The following TMCC1 variants were observed in gnomAD, a reference collection of about 807,000 sequenced individuals.
TMCC1 encodes transmembrane and coiled-coil domains protein 1.
TMCC1 carries 15 observed loss-of-function variants against 52.4 expected under a neutral mutation model. The observed-to-expected ratio is 0.29, with a 90% CI of 0.19 to 0.44. The LOEUF is 0.44. Among genes scored for constraint, TMCC1 ranks in the 20% least tolerant of loss-of-function variants. TMCC1 has a pLI of 1.00. For synonymous variants in TMCC1, 279 were observed against 301.9 expected (o/e 0.92, Z 0.79); for missense variants, 503 against 806.0 (o/e 0.62, Z 4.55).
intron 5 of TMCC1, among the ~76,000 whole-genome samples, chr3:129,659,696 A>AT (rs1227420547): frequency 2.0e-5 from 3 of 152,166 alleles, no homozygotes; most frequent in African/African-American, 7.2e-5. Flanking sequence ...TCTGGAAGTC[A>AT]TTTTCAAACT....
intron 5 of TMCC1, among the ~76,000 whole-genome samples, chr3:129,662,464 A>G (rs1156644130): frequency 6.6e-6 from 1 of 152,120 alleles, no homozygotes; most frequent in African/African-American, 2.4e-5. Flanking sequence ...ATATCTAAAC[A>G]TAGAAAAGGC....
intron 2 of TMCC1, among the ~76,000 whole-genome samples, chr3:129,839,621 T>A (rs1313853526): frequency 2.6e-5 from 4 of 152,092 alleles, no homozygotes; most frequent in African/African-American, 9.7e-5. Flanking sequence ...CTAGGCATGG[T>A]GGCACACACC....
intron 4 of TMCC1, among the ~76,000 whole-genome samples, chr3:129,707,761 G>A (rs1450341330): frequency 2.0e-5 from 3 of 151,878 alleles, no homozygotes; most frequent in African/African-American, 4.8e-5. Flanking sequence ...GTGAAACCCC[G>A]TCTCTACTAA....
chr3:129,709,587 T>A (rs2048508542), intron 4 of TMCC1, among the ~76,000 whole-genome samples: 2 of 152,076 alleles, frequency 1.3e-5, no homozygotes, highest in African/African-American at 4.8e-5. Flanking sequence ...AAGTTTTTTG[T>A]TGCTACACAA....
At chr3:129,744,581 C>G (rs1212048915) in intron 4 of TMCC1, among the ~76,000 whole-genome samples, 1 of 152,164 alleles carries the variant, frequency 6.6e-6, no homozygotes, top group African/African-American at 2.4e-5. Flanking sequence ...CACCTGTGCC[C>G]AGCATAACGT....
At chr3:129,752,652 C>A (rs1463565142) in intron 4 of TMCC1, among the ~76,000 whole-genome samples, 2 of 150,164 alleles carry the variant, frequency 1.3e-5, no homozygotes, top group Non-Finnish European at 3.0e-5. Flanking sequence ...GGTGACAGAG[C>A]AAGACTGTCA....
intron 4 of TMCC1, among the ~76,000 whole-genome samples, chr3:129,677,219 T>A (rs1276818270): frequency 6.6e-6 from 1 of 152,174 alleles, no homozygotes; most frequent in Non-Finnish European, 1.5e-5. Context: ...GAGCTGAGAT[T>A]GTGTCACTGC....
intron 4 of TMCC1, among the ~76,000 whole-genome samples, chr3:129,783,597 T>C (rs1054172253): frequency 1.3e-5 from 2 of 152,198 alleles, no homozygotes; most frequent in African/African-American, 4.8e-5. Flanking sequence ...AGGGCCTGTT[T>C]TAAGTATTTG....
chr3:129,780,999 A>G (rs1560404412), intron 4 of TMCC1, among the ~76,000 whole-genome samples: 1 of 152,188 alleles, frequency 6.6e-6, no homozygotes, highest in East Asian at 1.9e-4. Flanking sequence ...GCTAGTGACT[A>G]TAACACTGGC....
At chr3:129,737,570 T>C (rs559262760) in intron 4 of TMCC1, among the ~76,000 whole-genome samples, 2 of 152,110 alleles carry the variant, frequency 1.3e-5, no homozygotes, top group African/African-American at 2.4e-5. Context: ...CTATGAGAAA[T>C]AGGCCTTCAC....
intron 4 of TMCC1, among the ~76,000 whole-genome samples, chr3:129,811,265 A>ATTTTTTAT (rs113538917): frequency 0.99 from 149,961 of 152,122 alleles, 73,953 homozygotes; most frequent in East Asian, 1. Flanking sequence ...CATTTTATAT[A>ATTTTTTAT]TTATTTTTAA....
At chr3:129,757,599 T>A (rs2053131480) in intron 4 of TMCC1, among the ~76,000 whole-genome samples, 1 of 152,102 alleles carries the variant, frequency 6.6e-6, no homozygotes, top group Non-Finnish European at 1.5e-5. Flanking sequence ...GGTGGGGGGA[T>A]CATTTGAGGT....
intron 2 of TMCC1, among the ~76,000 whole-genome samples, chr3:129,849,561 G>A (rs1195555126): frequency 2.6e-5 from 4 of 151,598 alleles, no homozygotes; most frequent in Admixed American, 6.6e-5. Context: ...TCAGGAGATC[G>A]AGACCATCCT....
intron 4 of TMCC1, among the ~76,000 whole-genome samples, chr3:129,712,001 CAAAAAA>C (rs71155567): frequency 1.9e-4 from 9 of 47,722 alleles, no homozygotes; most frequent in Non-Finnish European, 3.0e-4. Context: ...GACTCTGTCT[CAAAAAA>C]AAAAAAAAAA....
chr3:129,793,325 T>C (rs73206256), intron 4 of TMCC1, among the ~76,000 whole-genome samples: 7,520 of 152,196 alleles, frequency 0.049, 284 homozygotes, highest in Non-Finnish European at 0.074. Context: ...CATTTCTGCA[T>C]CAGTGCACAC....
chr3:129,788,586 C>T (rs1202490974), intron 4 of TMCC1, among the ~76,000 whole-genome samples: 4 of 152,058 alleles, frequency 2.6e-5, no homozygotes, highest in Admixed American at 1.3e-4. Context: ...CCTCAGCCTC[C>T]CCAGTAGCTG....
At chr3:129,886,790 T>G (rs62265603) in intron 1 of TMCC1, among the ~76,000 whole-genome samples, 1 of 150,124 alleles carries the variant, frequency 6.7e-6, no homozygotes, top group African/African-American at 2.5e-5. Context: ...AAAAAAAAAT[T>G]AGCCAGGTGT....
chr3:129,844,638 C>T (rs78830852), intron 2 of TMCC1, among the ~76,000 whole-genome samples: 285 of 152,312 alleles, frequency 1.9e-3, no homozygotes, highest in Admixed American at 2.9e-3. Flanking sequence ...AAGAAAGGTG[C>T]TAGGTCATTC....
At chr3:129,778,419 C>T (rs1385908907) in intron 4 of TMCC1, among the ~76,000 whole-genome samples, 1 of 152,204 alleles carries the variant, frequency 6.6e-6, no homozygotes, top group Non-Finnish European at 1.5e-5. Context: ...TTTGTTCCAT[C>T]ACTGATGAAA....
Sources: gnomAD v4.1 joint callset for allele counts (sites outside exome capture counted in the v4.1 genomes callset) on GRCh38, gnomAD v4.1.1 for gene constraint, MANE v1.5 for transcripts, NCBI Gene and HGNC (gene_info 2026-07-23, HGNC 2026-07-21) for gene names.